EPG5: variants seen among roughly 807,000 people sequenced by gnomAD.
EPG5 encodes the protein ectopic P granules protein 5 homolog.
Under a neutral mutation model 302.7 loss-of-function variants are expected in EPG5, and 159 were observed. That is an observed-to-expected ratio of 0.53 (90% CI 0.46 to 0.60). The LOEUF (loss-of-function observed/expected upper bound fraction) is 0.60. EPG5 is among the 20% of genes least tolerant of loss of function. The probability of loss-of-function intolerance (pLI) is 0.00; values close to 1 mark genes in which losing one functional copy is unlikely to be tolerated. For synonymous variants in EPG5, 1,158 were observed against 1,136.8 expected (o/e 1.02, Z -0.37); for missense variants, 2,896 against 3,092.4 (o/e 0.94, Z 1.51).
At position 45,916,119 on chromosome 18, in the gene EPG5, G is replaced by A. The variant is rs201959853; in HGVS notation, c.3472C>T (p.Leu1158Phe). The A allele has an allele frequency of 2.7e-5, 43 of 1,614,202 alleles. No homozygotes were observed. Among genetic ancestry groups the A allele is most frequent in the Non-Finnish European group, 3.5e-5 (41 of 1,180,032 alleles). The change falls in exon 19 of 44, where the codon CTC becomes TTC. Residue 1158 changes from leucine (L) to phenylalanine (F), a missense_variant. Physicochemically the swap from Leu to Phe is conservative, Grantham distance 22. Transcript: ENST00000282041. ...FWVQALISQHLWYREQPILFL... is the reference protein window; with the variant it reads ...FWVQALISQHFWYREQPILFL... ...AGGATAGGTTGTTCTCGGTACCAGAGATGCTGGCTTATGAGAGCCTGAACC... is the reference window on the plus strand; with the variant it reads ...AGGATAGGTTGTTCTCGGTACCAGAAATGCTGGCTTATGAGAGCCTGAACC...
At chr18:45,925,609 T>C (rs1441301376) in intron 14 of EPG5, 129 bp downstream of exon 14, 2 of 626,254 alleles carry the variant, frequency 3.2e-6, no homozygotes, top group East Asian at 3.2e-5. Flanking sequence ...TCCTAAACTC[T>C]GACACAGCTA....
chr18:45,823,900 G>C, the EPG5 span, among the ~76,000 whole-genome samples: 1 of 152,244 alleles, frequency 6.6e-6, no homozygotes, highest in Non-Finnish European at 1.5e-5. Flanking sequence ...GGCGCTCTAG[G>C]TGGTAAGAAT....
the EPG5 span, among the ~76,000 whole-genome samples, chr18:45,839,882 T>C: frequency 1.3e-5 from 2 of 152,118 alleles, no homozygotes; most frequent in Non-Finnish European, 2.9e-5. Flanking sequence ...GCTCACACTC[T>C]AGTGAGATCA....
downstream of EPG5, among the ~76,000 whole-genome samples, chr18:45,846,380 G>T (rs2048363752): frequency 6.6e-6 from 1 of 151,964 alleles, no homozygotes; most frequent in South Asian, 2.1e-4. Flanking sequence ...AACTAGCCAG[G>T]CATGGTGGCA....
At chr18:45,885,461 T>C (rs533140423) in intron 29 of EPG5, among the ~76,000 whole-genome samples, 66 of 152,294 alleles carry the variant, frequency 4.3e-4, no homozygotes, top group African/African-American at 1.6e-3. Flanking sequence ...GTACCCAACA[T>C]GGTGCTGCAT....
At chr18:45,933,608 A>T (rs1345670953) in intron 11 of EPG5, among the ~76,000 whole-genome samples, 2 of 151,718 alleles carry the variant, frequency 1.3e-5, no homozygotes, top group Admixed American at 1.3e-4. Context: ...AGCCCGGGAG[A>T]TGGAAGTTGC....
intron 40 of EPG5, 99 bp downstream of exon 40, chr18:45,860,005 C>A: frequency 1.4e-6 from 2 of 1,437,902 alleles, no homozygotes; most frequent in Non-Finnish European, 1.9e-6. Context: ...ATGGCAAATC[C>A]CTCACTGGGA....
At chr18:45,801,990 G>T in the EPG5 span, among the ~76,000 whole-genome samples, 3 of 151,774 alleles carry the variant, frequency 2.0e-5, no homozygotes, top group Non-Finnish European at 4.4e-5. Flanking sequence ...ATGGCGGAAG[G>T]GTTGACAGGG....
At chr18:45,859,128 A>G (rs915166615) in intron 40 of EPG5, among the ~76,000 whole-genome samples, 1 of 152,262 alleles carries the variant, frequency 6.6e-6, no homozygotes, top group Non-Finnish European at 1.5e-5. Context: ...TGTCCTGGTC[A>G]GTTAAGAATT....
In EPG5 at chr18:45,946,655, C is replaced by G; in HGVS notation, c.1677+8G>C. 2 of 1,605,250 alleles carry G rather than the reference C, an allele frequency of 1.2e-6. No individual in the cohort carries two copies. The highest frequency in any genetic ancestry group is 1.7e-6 in the Non-Finnish European group (2 of 1,172,270). On this transcript the variant is annotated splice_region_variant and intron_variant, in intron 7 of 43. Transcript: ENST00000282041. ...ATTCATCAAAATAATGCAGATATGA[C>G]AAGTTACCTCTTCTCCTCCTTCGTC... is the stretch of plus-strand genomic sequence containing the variant.
At chr18:45,840,435 C>T in the EPG5 span, among the ~76,000 whole-genome samples, 1 of 152,266 alleles carries the variant, frequency 6.6e-6, no homozygotes, top group East Asian at 1.9e-4. Flanking sequence ...CTGGACAGAC[C>T]AAGCCTCGCT....
chr18:45,927,179 C>A (rs2145792510), intron 13 of EPG5, among the ~76,000 whole-genome samples: 1 of 152,004 alleles, frequency 6.6e-6, no homozygotes, highest in East Asian at 2.0e-4. Flanking sequence ...ACTACAGGTG[C>A]CCGCCACCAC....
At chr18:45,938,565 C>T (rs2050589756) in intron 10 of EPG5, among the ~76,000 whole-genome samples, 1 of 152,134 alleles carries the variant, frequency 6.6e-6, no homozygotes, top group African/African-American at 2.4e-5. Flanking sequence ...CTAAGACCTC[C>T]TGATCTTTCT....
At chr18:45,886,589 GTAGT>G (rs1257667574) in intron 29 of EPG5, among the ~76,000 whole-genome samples, 1 of 152,144 alleles carries the variant, frequency 6.6e-6, no homozygotes, top group African/African-American at 2.4e-5. Flanking sequence ...GTATTTCTAG[GTAGT>G]TAGGATTATA....
At chr18:45,909,556 G>T (rs2049843097) in intron 23 of EPG5, among the ~76,000 whole-genome samples, 1 of 152,186 alleles carries the variant, frequency 6.6e-6, no homozygotes, top group African/African-American at 2.4e-5. Flanking sequence ...AGTCTTATTT[G>T]TAAGACTAGT....
intron 11 of EPG5, among the ~76,000 whole-genome samples, chr18:45,932,067 TA>T (rs2050407172): frequency 6.6e-6 from 1 of 152,094 alleles, no homozygotes; most frequent in Non-Finnish European, 1.5e-5. Flanking sequence ...TGGAAATTAT[TA>T]CACAAAGTAT....
rs1264769485 is a variant in EPG5, at chr18:45,952,669, A to C, written c.1009-26T>G. On this transcript the variant is annotated intron_variant, in intron 2 of 43. Transcript: ENST00000282041. ...CTACCAGAGGACAAAAAGGTACAAT[A>C]TGAAACCAGTTACTCTTTCCATTTG... 2.5e-6 allele frequency: 4 copies of C among 1,610,254 alleles called. No homozygotes were observed. In the South Asian group the frequency reaches 3.3e-5, roughly 13 times the overall value.
chr18:45,923,090 C>T (rs2050192959), intron 15 of EPG5, among the ~76,000 whole-genome samples, 178 bp downstream of exon 15: 1 of 152,218 alleles, frequency 6.6e-6, no homozygotes, highest in Non-Finnish European at 1.5e-5. Context: ...TAGTTATATA[C>T]AGGCTATTTC....
chr18:45,944,785 A>C (rs929605193), intron 7 of EPG5, among the ~76,000 whole-genome samples: 6 of 152,230 alleles, frequency 3.9e-5, no homozygotes, highest in Non-Finnish European at 8.8e-5. Context: ...ATGAGAGTTC[A>C]AAGTTATGTT....
Sources: allele counts gnomAD v4.1 joint callset (sites outside exome capture counted in the v4.1 genomes callset), GRCh38; gene constraint gnomAD v4.1.1; transcripts MANE v1.5; gene names NCBI Gene and HGNC (gene_info 2026-07-23, HGNC 2026-07-21).